The following RABGAP1L variants were observed in gnomAD, a reference collection of about 807,000 sequenced individuals.
RABGAP1L encodes the protein RAB GTPase activating protein 1 like.
A neutral mutation model predicts 137.7 loss-of-function variants in RABGAP1L; 63 were observed. The observed-to-expected ratio is 0.46, with a 90% confidence interval of 0.37 to 0.56. RABGAP1L has a LOEUF of 0.56. RABGAP1L is among the 20% of genes least tolerant of loss of function. The pLI is 0.00. For missense variants in RABGAP1L, 1,095 were observed against 1,244.0 expected (o/e 0.88, Z 1.80); for synonymous variants, 431 against 433.7 (o/e 0.99, Z 0.08).
In RABGAP1L at chr1:174,241,598, A is replaced by G. The variant is rs1163943305; in HGVS notation, c.658A>G (p.Ser220Gly). Reference protein sequence around the residue: ...TESNCFAFTESSHGSEEFQIH... With the variant: ...TESNCFAFTEGSHGSEEFQIH... The stretch of plus-strand genomic sequence containing the variant: ...GAGCAATTGCTTTGCATTTACAGAG[A>G]GTTCCCATGGTTCGGAAGAATTTCA... The change falls in exon 5 of 26, where the codon AGT becomes GGT. Residue 220 changes from serine (S) to glycine (G), a missense_variant. By Grantham distance (56) the Ser-to-Gly change is moderately conservative (BLOSUM62 0). Coordinates refer to ENST00000681986, the MANE Select transcript of RABGAP1L (RefSeq NM_001366446.1). 4.3e-6 allele frequency: 7 copies of G among 1,614,020 alleles called. No individual in the cohort carries two copies. Among genetic ancestry groups the G allele is most frequent in the South Asian group, 1.1e-5 (1 of 91,066 alleles).
intron 13 of RABGAP1L, among the ~76,000 whole-genome samples, chr1:174,621,030 T>C (rs1386400100): frequency 1.3e-5 from 2 of 151,700 alleles, no homozygotes. Context: ...AACTAGAAAA[T>C]CTAGAAGAAA....
intron 7 of RABGAP1L, among the ~76,000 whole-genome samples, chr1:174,253,405 A>G (rs1254997755): frequency 6.6e-6 from 1 of 152,204 alleles, no homozygotes; most frequent in African/African-American, 2.4e-5. Flanking sequence ...AACATATATA[A>G]AGATTTTAAT....
At chr1:174,707,500 G>A (rs895642280) in intron 17 of RABGAP1L, among the ~76,000 whole-genome samples, 3 of 152,132 alleles carry the variant, frequency 2.0e-5, no homozygotes, top group African/African-American at 4.8e-5. Flanking sequence ...ATTTGAGTTA[G>A]GATATTGGAC....
intron 10 of RABGAP1L, among the ~76,000 whole-genome samples, chr1:174,285,728 T>G (rs188411658): frequency 3.0e-4 from 46 of 152,276 alleles, no homozygotes; most frequent in African/African-American, 1.1e-3. Context: ...GCTGTGGGCT[T>G]GTCATATATG....
chr1:174,749,091 G>T (rs564658601), intron 17 of RABGAP1L, among the ~76,000 whole-genome samples: 2 of 151,286 alleles, frequency 1.3e-5, no homozygotes, highest in African/African-American at 2.4e-5. Context: ...CACAAGAATC[G>T]CCTGAACCCA....
intron 13 of RABGAP1L, among the ~76,000 whole-genome samples, chr1:174,581,342 A>G (rs1363362686): frequency 1.3e-5 from 2 of 152,252 alleles, no homozygotes. Flanking sequence ...TCATATGAGG[A>G]ATATTACTGA....
At chr1:174,671,372 T>C (rs1418246449) in intron 14 of RABGAP1L, among the ~76,000 whole-genome samples, 2 of 152,168 alleles carry the variant, frequency 1.3e-5, no homozygotes, top group Non-Finnish European at 2.9e-5. Flanking sequence ...CTGTGTTGAA[T>C]AGAAGTGAGA....
intron 13 of RABGAP1L, chr1:174,548,003 T>C: frequency 1.9e-6 from 3 of 1,550,570 alleles, no homozygotes; most frequent in East Asian, 4.9e-5. Flanking sequence ...GAGCCTGAAT[T>C]GTACAAATAT....
At chr1:174,431,317 TAA>T (rs1652602904) in intron 13 of RABGAP1L, among the ~76,000 whole-genome samples, 1 of 152,268 alleles carries the variant, frequency 6.6e-6, no homozygotes, top group African/African-American at 2.4e-5. Context: ...TGAAATGATA[TAA>T]AAAATTTAAT....
chr1:174,752,408 G>T, intron 18 of RABGAP1L, 54 bp downstream of exon 18: 1 of 1,291,148 alleles, frequency 7.7e-7, no homozygotes, highest in Non-Finnish European at 1.1e-6. Flanking sequence ...CTTTGCCCTT[G>T]GAACTGGAAT....
intron 1 of RABGAP1L, among the ~76,000 whole-genome samples, chr1:174,180,657 A>G (rs1017919202): frequency 5.3e-5 from 8 of 152,004 alleles, no homozygotes; most frequent in Non-Finnish European, 8.8e-5. Context: ...TGTAGAGACA[A>G]GATCTCGCTT....
At chr1:174,222,562 T>G (rs577228138) in intron 3 of RABGAP1L, among the ~76,000 whole-genome samples, 2 of 152,336 alleles carry the variant, frequency 1.3e-5, no homozygotes, top group South Asian at 4.1e-4. Context: ...TATATGCACA[T>G]GTAAAGTTCT....
At chr1:174,206,367 C>T (rs565948347) in intron 1 of RABGAP1L, among the ~76,000 whole-genome samples, 3 of 152,270 alleles carry the variant, frequency 2.0e-5, no homozygotes, top group South Asian at 4.1e-4. Flanking sequence ...AGTGGATAGA[C>T]TGTTTAGTAA....
intron 13 of RABGAP1L, among the ~76,000 whole-genome samples, chr1:174,607,478 T>A (rs1670875234): frequency 6.6e-6 from 1 of 152,114 alleles, no homozygotes; most frequent in South Asian, 2.1e-4. Context: ...CAGACATTCC[T>A]CTGGTGGCAA....
intron 17 of RABGAP1L, among the ~76,000 whole-genome samples, chr1:174,725,949 C>T (rs1048072826): frequency 6.6e-5 from 10 of 151,588 alleles, no homozygotes; most frequent in South Asian, 2.1e-4. Context: ...GCACATTGTG[C>T]GCATGTACCC....
intron 13 of RABGAP1L, among the ~76,000 whole-genome samples, chr1:174,634,779 A>G (rs1006912667): frequency 6.8e-6 from 1 of 146,470 alleles, no homozygotes; most frequent in South Asian, 2.1e-4. Flanking sequence ...AAACTATTGC[A>G]AGAACAAAAA....
intron 24 of RABGAP1L, among the ~76,000 whole-genome samples, chr1:174,985,574 C>T (rs1003633749): frequency 6.6e-6 from 1 of 152,196 alleles, no homozygotes; most frequent in Non-Finnish European, 1.5e-5. Flanking sequence ...AGTGCTTCCT[C>T]CTATCTCATT....
intron 14 of RABGAP1L, among the ~76,000 whole-genome samples, chr1:174,668,304 T>C (rs1676932756): frequency 6.6e-6 from 1 of 152,176 alleles, no homozygotes; most frequent in Non-Finnish European, 1.5e-5. Context: ...CATTCTACTT[T>C]CTAATTCAAT....
At chr1:174,522,209 T>G (rs1663461513) in intron 13 of RABGAP1L, among the ~76,000 whole-genome samples, 1 of 152,116 alleles carries the variant, frequency 6.6e-6, no homozygotes, top group Admixed American at 6.5e-5. Context: ...AAAATATAGT[T>G]GCCAGGACTG....
Sources: gnomAD v4.1 joint callset for allele counts (sites outside exome capture counted in the v4.1 genomes callset) on GRCh38, gnomAD v4.1.1 for gene constraint, MANE v1.5 for transcripts, NCBI Gene and HGNC (gene_info 2026-07-23, HGNC 2026-07-21) for gene names.